The following RARB variants were observed in gnomAD, a reference collection of about 807,000 sequenced individuals.
The protein encoded by RARB is retinoic acid receptor beta, also known as HBV-activated protein.
A neutral mutation model predicts 51.9 loss-of-function variants in RARB; 17 were observed. The ratio of observed to expected loss-of-function variants is 0.33; its 90% confidence interval spans 0.22 to 0.49. The LOEUF is 0.49. RARB is among the 20% of genes least tolerant of loss of function. The pLI is 0.99. For missense variants in RARB, 369 were observed against 550.8 expected (o/e 0.67, Z 3.30); for synonymous variants, 215 against 195.4 (o/e 1.10, Z -0.84).
chr3:25,280,095 G>T (rs1703485152), intron 5 of RARB, among the ~76,000 whole-genome samples: 1 of 152,134 alleles, frequency 6.6e-6, no homozygotes, highest in Non-Finnish European at 1.5e-5. Context: ...CCTTCATAAG[G>T]AAATGAAGAC....
At chr3:24,839,872 A>C (rs1200833790) in intron 1 of RARB, among the ~76,000 whole-genome samples, 1 of 152,204 alleles carries the variant, frequency 6.6e-6, no homozygotes, top group Non-Finnish European at 1.5e-5. Flanking sequence ...ATCGAAGTGC[A>C]TGAAGAGGCT....
At position 25,176,374 on chromosome 3, in the gene RARB, CTTCCTTCCTTCCTTAT is replaced by C. The variant is rs1335759760; in HGVS notation, c.178+1802_178+1817del. 6.5e-4 allele frequency among the ~76,000 whole-genome samples: 36 copies of C among 55,468 alleles called. 1 individual carries two copies. The highest frequency in any genetic ancestry group is 1.3e-3 in the Non-Finnish European group (32 of 25,410). The allele number at this position is 55,468 out of a possible 152,430, so 36.4% of individuals were successfully genotyped here. ...CCTTCCTTCCTTCCTTCCTTCCTTC[CTTCCTTCCTTCCTTAT>C]TTATTTATTTATTTATTTATTTTTG... On this transcript the variant is annotated intron_variant, in intron 5 of 11. Transcript: ENST00000383772.
At chr3:25,153,759 T>A (rs1017498253) in intron 4 of RARB, among the ~76,000 whole-genome samples, 3 of 152,188 alleles carry the variant, frequency 2.0e-5, no homozygotes, top group Non-Finnish European at 4.4e-5. Context: ...AGGCATGAGA[T>A]AACTTGCCCA....
intron 3 of RARB, among the ~76,000 whole-genome samples, chr3:25,506,733 T>C (rs746251956): frequency 6.6e-6 from 1 of 152,274 alleles, no homozygotes; most frequent in African/African-American, 2.4e-5. Flanking sequence ...AATCTTTATT[T>C]ACAAAAGCAG....
intron 3 of RARB, among the ~76,000 whole-genome samples, chr3:25,523,358 A>G (rs1698491925): frequency 6.6e-6 from 1 of 152,220 alleles, no homozygotes; most frequent in South Asian, 2.1e-4. Context: ...GGCAAAGCGA[A>G]TGATATGAAT....
In RARB at chr3:25,569,747, C is replaced by G. The variant is rs1336372087; in HGVS notation, c.449-11C>G. 8.1e-6 allele frequency: 13 copies of G among 1,611,482 alleles called. No homozygotes were observed. Among genetic ancestry groups the G allele is most frequent in the Non-Finnish European group, 1.1e-5 (13 of 1,178,832 alleles). On this transcript the variant is annotated splice_polypyrimidine_tract_variant and intron_variant, in intron 3 of 7. Coordinates refer to ENST00000330688, the MANE Select transcript of RARB (RefSeq NM_000965.5). ...CAGCGACCCCTGATGTGCCTTCTCT[C>G]TCGTTTCCAGCTGTCAGGAATGACA...
intron 2 of RARB, among the ~76,000 whole-genome samples, chr3:24,937,905 G>A (rs1311360800): frequency 6.6e-6 from 1 of 152,040 alleles, no homozygotes; most frequent in African/African-American, 2.4e-5. Flanking sequence ...CTAGAAACAG[G>A]GTGTCTGTGT....
At chr3:25,137,601 T>C (rs901900262) in intron 4 of RARB, among the ~76,000 whole-genome samples, 5 of 152,146 alleles carry the variant, frequency 3.3e-5, no homozygotes, top group Admixed American at 3.3e-4. Flanking sequence ...TTATAAATTA[T>C]AATCACTCTT....
rs550527171 is a variant in RARB, at chr3:24,876,877, C to T, written c.-380+18125C>T. Among the ~76,000 whole-genome samples the T allele has an allele frequency of 2.6e-5, 4 of 152,138 alleles. No individual in the cohort carries two copies. The South Asian group carries it at 8.3e-4, about 32-fold the overall frequency. On this transcript the variant is annotated intron_variant, in intron 2 of 11. Coordinates refer to the RARB transcript ENST00000383772. ...TACTATTGATGGATGCAATGTCCTTCCCAGGCATAAACATACTCAGAAGCA... is the reference window on the plus strand; with the variant it reads ...TACTATTGATGGATGCAATGTCCTTTCCAGGCATAAACATACTCAGAAGCA...
intron 2 of RARB, among the ~76,000 whole-genome samples, chr3:24,920,531 A>T (rs917788758): frequency 1.6e-4 from 25 of 152,140 alleles, no homozygotes; most frequent in African/African-American, 5.1e-4. Flanking sequence ...TTGGGAATTT[A>T]AATAATCAAC....
intron 5 of RARB, among the ~76,000 whole-genome samples, chr3:25,317,299 A>G (rs1273759807): frequency 8.5e-5 from 13 of 152,078 alleles, no homozygotes; most frequent in Admixed American, 7.9e-4. Flanking sequence ...GAGAGGAAGG[A>G]AGGGAGGAAG....
chr3:25,408,283 T>G (rs1346210612), intron 5 of RARB, among the ~76,000 whole-genome samples: 1 of 151,884 alleles, frequency 6.6e-6, no homozygotes, highest in African/African-American at 2.4e-5. Context: ...AGAAAAGAGG[T>G]TTAGTTGACT....
intron 2 of RARB, among the ~76,000 whole-genome samples, chr3:25,005,055 A>G (rs909637725): frequency 6.6e-6 from 1 of 152,144 alleles, no homozygotes; most frequent in African/African-American, 2.4e-5. Context: ...GAATTTTGGT[A>G]AAGCTAGTGT....
At chr3:25,142,104 G>C (rs1301433966) in intron 4 of RARB, among the ~76,000 whole-genome samples, 1 of 152,192 alleles carries the variant, frequency 6.6e-6, no homozygotes, top group Non-Finnish European at 1.5e-5. Context: ...GGATGAGGCG[G>C]ACAGATCATC....
At chr3:24,839,794 G>T (rs952480634) in intron 1 of RARB, among the ~76,000 whole-genome samples, 1 of 151,484 alleles carries the variant, frequency 6.6e-6, no homozygotes, top group Non-Finnish European at 1.5e-5. Flanking sequence ...TTATACTCGT[G>T]TTTAGAACTA....
intron 3 of RARB, among the ~76,000 whole-genome samples, chr3:25,104,697 G>C (rs937029842): frequency 2.6e-5 from 4 of 152,036 alleles, no homozygotes; most frequent in Non-Finnish European, 5.9e-5. Flanking sequence ...ATCCCAAACT[G>C]GAAAATATCC....
chr3:25,316,675 A>AT (rs1438638829), intron 5 of RARB, among the ~76,000 whole-genome samples: 5 of 152,242 alleles, frequency 3.3e-5, no homozygotes, highest in Non-Finnish European at 7.3e-5. Context: ...AGAACAGCAC[A>AT]TTTGGTATTA....
At position 24,888,360 on chromosome 3, in the gene RARB, T is replaced by A. The variant is rs114852225; in HGVS notation, c.-380+29608T>A. 4.7e-3 allele frequency among the ~76,000 whole-genome samples: 716 copies of A among 152,320 alleles called. 2 individuals are homozygous for A. The highest frequency in any genetic ancestry group is 0.016 in the African/African-American group (674 of 41,570). ...ATCAGAAAAGTTGTTACGTGGGTAT[T>A]AATGGTAGGAGCCGGGATTTGAACC... On this transcript the variant is annotated intron_variant, in intron 2 of 11. Transcript: ENST00000383772.
intron 5 of RARB, among the ~76,000 whole-genome samples, chr3:25,584,088 C>T (rs1299781268): frequency 3.9e-5 from 6 of 152,142 alleles, no homozygotes; most frequent in Non-Finnish European, 5.9e-5. Flanking sequence ...AAATAAAAAT[C>T]GTAAAAACAA....
Sources: allele counts gnomAD v4.1 joint callset (sites outside exome capture counted in the v4.1 genomes callset), GRCh38; gene constraint gnomAD v4.1.1; transcripts MANE v1.5; gene names NCBI Gene and HGNC (gene_info 2026-07-23, HGNC 2026-07-21).